SART1: variants seen among roughly 807,000 people sequenced by gnomAD.
SART1 encodes spliceosome associated factor 1, recruiter of U4/U6.U5 tri-snRNP, also known as U4/U6.U5 tri-snRNP-associated protein 1.
A neutral mutation model predicts 105.0 loss-of-function variants in SART1; 28 were observed. The ratio of observed to expected loss-of-function variants is 0.27; its 90% CI spans 0.20 to 0.37. The LOEUF (loss-of-function observed/expected upper bound fraction) is 0.37. Ranked by LOEUF, SART1 falls within the 10% of genes least tolerant of loss-of-function variation. The pLI, the probability that SART1 is intolerant of heterozygous loss-of-function variation, is 1.00. For synonymous variants in SART1, 472 were observed against 462.9 expected (o/e 1.02, Z -0.25); for missense variants, 894 against 1,106.5 (o/e 0.81, Z 2.72).
rs868440898 is a variant in SART1, at chr11:65,977,016, C to G, written c.1860C>G (p.Phe620Leu). Reference sequence around the variant, plus strand: ...CACCCCCGCCACGTGTCCCGTAGTTCTCTGCTTCCTCCACCACCATCCTGG... The same window carrying G: ...CACCCCCGCCACGTGTCCCGTAGTTGTCTGCTTCCTCCACCACCATCCTGG... ...NLDEEKQQQD[F>L]SASSTTILDE... is the part of the protein sequence containing the mutation. The change falls in exon 15 of 20, where the codon TTC becomes TTG. Residue 620 changes from phenylalanine (F) to leucine (L), a missense_variant and splice_region_variant. Transcript: ENST00000312397. The G allele has an allele frequency of 6.2e-7, 1 of 1,613,694 alleles. No individual in the cohort carries two copies. The highest frequency in any genetic ancestry group is 8.5e-7 in the Non-Finnish European group (1 of 1,179,640).
chr11:65,970,215 C>T (rs185708409), intron 12 of SART1, among the ~76,000 whole-genome samples: 2 of 152,304 alleles, frequency 1.3e-5, no homozygotes, highest in Admixed American at 1.3e-4. Context: ...TCCTTAACGA[C>T]TTCAGTAGGC....
chr11:65,978,802 A>AC lies in SART1; in HGVS notation c.2272_2273insC (p.Lys758ThrfsTer102). 1 of 1,613,968 alleles carries AC rather than the reference A, an allele frequency of 6.2e-7. No individual in the cohort carries two copies. Among genetic ancestry groups the AC allele is most frequent in the Non-Finnish European group, 8.5e-7 (1 of 1,179,928 alleles). The stretch of plus-strand genomic sequence containing the variant: ...GGCCCCGACCCCTCAGCTCCTGAAG[A>AC]AGATGAGCTCCAGCGACACGCCCCT... On this transcript the variant is annotated frameshift_variant, in exon 19 of 20. Transcript: ENST00000312397. LOFTEE classifies it high-confidence loss of function. This position sits in a 1 kb window ranked among gnomAD's most constrained non-coding sequence, Gnocchi z 6.8.
rs760357172 is a variant in SART1, at chr11:65,961,846, C to G, written c.66C>G (p.Thr22=). The G allele has an allele frequency of 1.3e-6, 2 of 1,574,634 alleles. No individual in the cohort carries two copies. Among genetic ancestry groups the G allele is most frequent in the African/African-American group, 2.8e-5 (2 of 70,772 alleles). ...EAAGTTAAAG[T]GGATEQPPRH... ...CCGGGACGACGGCGGCGGCCGGCAC[C>G]GGGGGTGCCACCGAGCAGCCGCCGC... Residue 22 remains threonine (T), a synonymous_variant, in exon 1 of 20, where the codon ACC becomes ACG. Transcript: ENST00000312397.
Position 65,961,757 on chromosome 11 carries a change from C to G in SART1, c.-24C>G, listed in dbSNP as rs1855146120. On this transcript the variant is annotated 5_prime_UTR_variant, in exon 1 of 20. Coordinates refer to ENST00000312397, the MANE Select transcript of SART1 (RefSeq NM_005146.5). The stretch of plus-strand genomic sequence containing the variant: ...TGCGTTGTCTGGGCTCGGCGGCAGC[C>G]GGGCTCGGAGTGGACGTGCCACTAT... The G allele has an allele frequency of 1.4e-6, 2 of 1,470,736 alleles. No individual in the cohort carries two copies. The highest frequency in any genetic ancestry group is 1.8e-6 in the Non-Finnish European group (2 of 1,116,264). The allele number at this position is 1,470,736 out of a possible 1,614,324, so 91.1% of individuals were successfully genotyped here.
In SART1 at chr11:65,978,856, C is replaced by G; in HGVS notation, c.2326C>G (p.Gln776Glu). 1 of 1,614,036 alleles carries G rather than the reference C, an allele frequency of 6.2e-7. No individual in the cohort carries two copies. Among genetic ancestry groups the G allele is most frequent in the Non-Finnish European group, 8.5e-7 (1 of 1,179,984 alleles). The change falls in exon 19 of 20, where the codon CAG (glutamine) becomes GAG (glutamate). Residue 776 changes from glutamine (Q) to glutamate (E), a missense_variant. This residue lies in a region of SART1 where 182 missense variants were observed against 328.3 expected (regional missense o/e 0.55). Coordinates refer to ENST00000312397, the MANE Select transcript of SART1 (RefSeq NM_005146.5). This position sits in a 1 kb window ranked among gnomAD's most constrained non-coding sequence, Gnocchi z 6.8. Reference protein sequence around the residue: ...LGTVALLQEKQKAQKTPYIVL... With the variant: ...LGTVALLQEKEKAQKTPYIVL... ...CACCGTGGCCCTGCTCCAGGAGAAG[C>G]AGAAGGCTCAGAAGACCCCCTACAT...
Position 65,967,703 on chromosome 11 carries a change from G to T in SART1, c.1454G>T (p.Gly485Val). The T allele has an allele frequency of 1.3e-6, 2 of 1,562,046 alleles. No homozygotes were observed. Among genetic ancestry groups the T allele is most frequent in the Non-Finnish European group, 8.7e-7 (1 of 1,152,860 alleles). The change falls in exon 12 of 20, where the codon GGG (glycine) becomes GTG (valine). Residue 485 changes from glycine to valine, a missense_variant. Physicochemically the swap from Gly to Val is moderately radical, Grantham distance 109 (BLOSUM62 -3). Transcript: ENST00000312397. ...GAGGAAGGTGGAGCTCCACCGCCGG[G>T]GTCCCCGCAGGTGCTGGAGGAGGAC... is the stretch of plus-strand genomic sequence containing the variant. ...DEEEGGAPPP[G>V]SPQVLEEDEA...
rs762626496 is a variant in SART1, at chr11:65,976,746, G to A, written c.1837G>A (p.Glu613Lys). 7 of 1,611,384 alleles carry A rather than the reference G, an allele frequency of 4.3e-6. No homozygotes were observed. The highest frequency in any genetic ancestry group is 1.3e-5 in the African/African-American group (1 of 74,986). The change falls in exon 14 of 20, where the codon GAG becomes AAG. Residue 613 changes from glutamate (E) to lysine (K), a missense_variant. Coordinates refer to ENST00000312397, the MANE Select transcript of SART1 (RefSeq NM_005146.5). The surrounding 1 kb of genome is among the most constrained non-coding windows in gnomAD (Gnocchi z 5.1). ...CGGCTGGAGCACGGTGAACCTGGAC[G>A]AGGAGAAGCAGCAGCAGGATGTGAG... ...NIGWSTVNLD[E>K]EKQQQDFSAS...
At chr11:65,970,330 C>T (rs996842620) in intron 12 of SART1, among the ~76,000 whole-genome samples, 1 of 152,172 alleles carries the variant, frequency 6.6e-6, no homozygotes, top group African/African-American at 2.4e-5. Flanking sequence ...AGTTATCCCC[C>T]AAAATGTCTT....
intron 2 of SART1, 83 bp downstream of exon 2, chr11:65,964,214 G>C: frequency 1.7e-6 from 2 of 1,164,762 alleles, no homozygotes; most frequent in South Asian, 1.2e-5. Flanking sequence ...TTTCTCACAT[G>C]AAAGTGTGCT....
intron 3 of SART1, 69 bp downstream of exon 3, chr11:65,964,639 G>A (rs1366125600): frequency 4.0e-6 from 6 of 1,499,476 alleles, no homozygotes; most frequent in Non-Finnish European, 5.5e-6. Context: ...AAGAAGGTGG[G>A]GTTAGAGGGC....
In SART1 at chr11:65,965,796, G is replaced by A. The variant is rs1855239874; in HGVS notation, c.738+17G>A. On this transcript the variant is annotated intron_variant, in intron 6 of 19. Coordinates refer to ENST00000312397, the MANE Select transcript of SART1 (RefSeq NM_005146.5). ...AGGCGGCAGGTGAGGCTGCAGCAGGGGTGGTACAGGGGACACTGGTGGCCT... is the reference window on the plus strand; with the variant it reads ...AGGCGGCAGGTGAGGCTGCAGCAGGAGTGGTACAGGGGACACTGGTGGCCT... 4 of 1,613,932 alleles carry A rather than the reference G, an allele frequency of 2.5e-6. No individual in the cohort carries two copies. The highest frequency in any genetic ancestry group is 1.1e-5 in the South Asian group (1 of 91,066).
Position 65,979,219 on chromosome 11 carries a change from G to C in SART1, c.*189G>C, listed in dbSNP as rs942694273. The C allele has an allele frequency of 4.1e-6, 3 of 725,264 alleles. No individual in the cohort carries two copies. The highest frequency in any genetic ancestry group is 7.0e-6 in the Non-Finnish European group (3 of 430,890). 44.9% of individuals were successfully genotyped at this position (725,264 alleles called of 1,614,324 possible). ...AAACAACTAAACGATGGAAGAGAGA[G>C]CGAGCCCGGGTCCTCTAAGGCTCCT... On this transcript the variant is annotated 3_prime_UTR_variant, in exon 20 of 20. Coordinates refer to ENST00000312397, the MANE Select transcript of SART1 (RefSeq NM_005146.5).
In SART1 at chr11:65,978,803, AGATG is replaced by A; in HGVS notation, c.2274_2277del (p.Met759AlafsTer34). ...GCCCCGACCCCTCAGCTCCTGAAGA[AGATG>A]AGCTCCAGCGACACGCCCCTGGGCA... On this transcript the variant is annotated frameshift_variant, in exon 19 of 20. Coordinates refer to ENST00000312397, the MANE Select transcript of SART1 (RefSeq NM_005146.5). LOFTEE classifies it high-confidence loss of function. The surrounding 1 kb of genome is among the most constrained non-coding windows in gnomAD (Gnocchi z 6.8). 1 of 1,613,998 alleles carries A rather than the reference AGATG, an allele frequency of 6.2e-7. No homozygotes were observed. Among genetic ancestry groups the A allele is most frequent in the Non-Finnish European group, 8.5e-7 (1 of 1,179,960 alleles).
Position 65,967,734 on chromosome 11 carries a change from G to T in SART1, c.1485G>T (p.Ala495=). The change falls in exon 12 of 20, where the codon GCG becomes GCT. Residue 495 remains alanine (A), a synonymous_variant. Coordinates refer to ENST00000312397, the MANE Select transcript of SART1 (RefSeq NM_005146.5). ...GSPQVLEEDE[A]ELELQKQLEK... ...CGCAGGTGCTGGAGGAGGACGAGGCGGAGCTGGAGCTGCAGAAGCAGCTGG... is the reference window on the plus strand; with the variant it reads ...CGCAGGTGCTGGAGGAGGACGAGGCTGAGCTGGAGCTGCAGAAGCAGCTGG... 6.4e-7 allele frequency: 1 copy of T among 1,554,486 alleles called. No homozygotes were observed. The highest frequency in any genetic ancestry group is 8.7e-7 in the Non-Finnish European group (1 of 1,149,184).
In SART1 at chr11:65,978,941, G is replaced by C. The variant is rs553449212; in HGVS notation, c.2384+27G>C. 6.2e-7 allele frequency: 1 copy of C among 1,613,652 alleles called. No homozygotes were observed. Among genetic ancestry groups the C allele is most frequent in the African/African-American group, 1.3e-5 (1 of 75,030 alleles). On this transcript the variant is annotated intron_variant, in intron 19 of 19. Coordinates refer to ENST00000312397, the MANE Select transcript of SART1 (RefSeq NM_005146.5). This position sits in a 1 kb window ranked among gnomAD's most constrained non-coding sequence, Gnocchi z 6.8. Reference sequence around the variant, plus strand: ...TGAGTGGCTCGAGGCTGGTGGGGTAGGGTGTGGTGGGGAGGGGTGGCGTGG... The same window carrying C: ...TGAGTGGCTCGAGGCTGGTGGGGTACGGTGTGGTGGGGAGGGGTGGCGTGG...
rs149203052 is a variant in SART1, at chr11:65,966,109, A to G, written c.872A>G (p.Asn291Ser). 2 of 1,613,860 alleles carry G rather than the reference A, an allele frequency of 1.2e-6. No individual in the cohort carries two copies. Among genetic ancestry groups the G allele is most frequent in the African/African-American group, 2.7e-5 (2 of 74,918 alleles). The stretch of plus-strand genomic sequence containing the variant: ...CAGGAGGAGGAGGACGTGCTGGTGA[A>G]CGTGAACCTGGTGGATAAGGAGCGG... ...VLQEEEDVLVNVNLVDKERAE... is the reference protein window; with the variant it reads ...VLQEEEDVLVSVNLVDKERAE... The change falls in exon 8 of 20, where the codon AAC becomes AGC. Residue 291 changes from asparagine to serine, a missense_variant. By Grantham distance (46) the Asn-to-Ser change is conservative. This residue lies in a region of SART1 where 712 missense variants were observed against 778.2 expected (regional missense o/e 0.91). Transcript: ENST00000312397.
intron 12 of SART1, among the ~76,000 whole-genome samples, chr11:65,974,371 CAAAAAAA>C (rs55994535): frequency 3.1e-5 from 2 of 65,254 alleles, no homozygotes; most frequent in African/African-American, 6.2e-5. Context: ...GACTCTGTCT[CAAAAAAA>C]AAAAAAAAAA....
intron 12 of SART1, among the ~76,000 whole-genome samples, chr11:65,969,585 G>A (rs534583115): frequency 8.5e-5 from 13 of 152,220 alleles, no homozygotes; most frequent in African/African-American, 2.6e-4. Context: ...AAGTAGCTGA[G>A]ACTACAGGCG....
chr11:65,964,114 C>G lies in SART1; in HGVS notation c.354C>G (p.Leu118=). The G allele has an allele frequency of 3.1e-6, 5 of 1,613,140 alleles. No homozygotes were observed. The highest frequency in any genetic ancestry group is 3.4e-6 in the Non-Finnish European group (4 of 1,179,924). The change falls in exon 2 of 20, where the codon CTC becomes CTG. Residue 118 remains leucine (L), a synonymous_variant. Transcript: ENST00000312397. The stretch of plus-strand genomic sequence containing the variant: ...CTAGCTCAGGCGATGCCTCCTCACT[C>G]AGCATCGAGGAGACTAAGTGAGTAC... ...SKTSSGDASS[L]SIEETNKLRA...
Sources: allele counts gnomAD v4.1 joint callset (sites outside exome capture counted in the v4.1 genomes callset), GRCh38; gene constraint gnomAD v4.1.1; regional missense constraint gnomAD v4.1.1; non-coding constraint Gnocchi (gnomAD v3.1); transcripts MANE v1.5; gene names NCBI Gene and HGNC (gene_info 2026-07-23, HGNC 2026-07-21).